The following ATXN1 variants were observed in gnomAD, a reference collection of about 807,000 sequenced individuals.
The protein encoded by ATXN1 is ataxin-1.
In ATXN1, 8 loss-of-function variants were observed where a neutral mutation model predicts 56.4. The ratio of observed to expected loss-of-function variants is 0.14; its 90% confidence interval spans 0.08 to 0.26. ATXN1 has a LOEUF of 0.26. Ranked by LOEUF, ATXN1 falls within the 10% of genes least tolerant of loss-of-function variation. The pLI, the probability that ATXN1 is intolerant of heterozygous loss-of-function variation, is 1.00. For missense variants in ATXN1, 987 were observed against 1,106.5 expected, an observed-to-expected ratio of 0.89 and a Z score of 1.53; for synonymous variants, 514 against 494.6, an observed-to-expected ratio of 1.04 and a Z score of -0.52.
At chr6:16,627,058 T>C (rs1262899456) in intron 3 of ATXN1, among the ~76,000 whole-genome samples, 1 of 152,256 alleles carries the variant, frequency 6.6e-6, no homozygotes, top group African/African-American at 2.4e-5. Context: ...TTGTTTGAGA[T>C]GGAGCTGTGG....
chr6:16,326,669 C>T lies in ATXN1; in HGVS notation c.1642G>A (p.Val548Met). The change falls in exon 7 of 8, where the codon GTG (valine) becomes ATG (methionine). Residue 548 changes from valine (V) to methionine (M), a missense_variant. Physicochemically the swap from Val to Met is conservative, Grantham distance 21. This residue lies in a region of ATXN1 where 723 missense variants were observed against 791.7 expected (regional missense o/e 0.91). Coordinates refer to ENST00000436367, the MANE Select transcript of ATXN1 (RefSeq NM_001128164.2). The surrounding 1 kb of genome is among the most constrained non-coding windows in gnomAD (Gnocchi z 6.6). ...ACAGGCAGGTGGATCTGGGCCTGCA[C>T]CATGGCTGGGTAGGCGGCCTGGGTG... Reference protein sequence around the residue: ...LVTQAAYPAMVQAQIHLPVVQ... With the variant: ...LVTQAAYPAMMQAQIHLPVVQ... 1.2e-6 allele frequency: 2 copies of T among 1,613,442 alleles called. No individual in the cohort carries two copies. Among genetic ancestry groups the T allele is most frequent in the Non-Finnish European group, 8.5e-7 (1 of 1,180,038 alleles).
intron 2 of ATXN1, among the ~76,000 whole-genome samples, chr6:16,660,863 G>C (rs1758305975): frequency 9.5e-6 from 1 of 105,612 alleles, no homozygotes; most frequent in Non-Finnish European, 1.8e-5. Flanking sequence ...TTTTGAGACA[G>C]AGTTTTGCTC....
intron 6 of ATXN1, among the ~76,000 whole-genome samples, chr6:16,442,360 G>C (rs1264566535): frequency 1.3e-5 from 2 of 152,066 alleles, no homozygotes; most frequent in Admixed American, 6.6e-5. Flanking sequence ...ACAAAGACTG[G>C]GTGAGCATTT....
intron 3 of ATXN1, among the ~76,000 whole-genome samples, chr6:16,620,943 A>C (rs1307708540): frequency 3.3e-5 from 5 of 152,370 alleles, no homozygotes; most frequent in Non-Finnish European, 5.9e-5. Context: ...TGACAACCTC[A>C]GCTCTGAACA....
intron 6 of ATXN1, among the ~76,000 whole-genome samples, chr6:16,391,833 T>C (rs111875886): frequency 2.3e-4 from 35 of 152,296 alleles, no homozygotes; most frequent in African/African-American, 7.9e-4. Context: ...TTTCAGTCTT[T>C]TTATTTCTCT....
intron 3 of ATXN1, among the ~76,000 whole-genome samples, chr6:16,600,127 C>T (rs946389815): frequency 3.9e-5 from 6 of 152,144 alleles, no homozygotes; most frequent in African/African-American, 1.4e-4. Context: ...GTATATGTAT[C>T]TGTGGTAGGT....
At chr6:16,348,295 GCTTAAGCGAT>G (rs2113455269) in intron 6 of ATXN1, among the ~76,000 whole-genome samples, 1 of 152,162 alleles carries the variant, frequency 6.6e-6, no homozygotes, top group East Asian at 1.9e-4. Context: ...AAACTCCTGG[GCTTAAGCGAT>G]CCTCCCATTT....
chr6:16,469,525 G>A (rs1054852108), intron 6 of ATXN1, among the ~76,000 whole-genome samples: 2 of 152,172 alleles, frequency 1.3e-5, no homozygotes, highest in African/African-American at 4.8e-5. Flanking sequence ...AGCATTTCAG[G>A]CCTCAGGAAA....
At chr6:16,693,923 C>T (rs1759101594) in intron 2 of ATXN1, among the ~76,000 whole-genome samples, 2 of 152,160 alleles carry the variant, frequency 1.3e-5, no homozygotes, top group South Asian at 4.1e-4. Flanking sequence ...GTAGGAAAAA[C>T]TGGGATTCCG....
At chr6:16,755,531 T>C (rs1760860534) in intron 1 of ATXN1, among the ~76,000 whole-genome samples, 1 of 152,002 alleles carries the variant, frequency 6.6e-6, no homozygotes, top group Non-Finnish European at 1.5e-5. Context: ...CAGGAGATAA[T>C]GTGAGAAAGG....
chr6:16,699,292 G>C (rs1172592822), intron 2 of ATXN1, among the ~76,000 whole-genome samples: 1 of 152,194 alleles, frequency 6.6e-6, no homozygotes, highest in African/African-American at 2.4e-5. Flanking sequence ...GCTCGTCATA[G>C]AATCTTTGAC....
intron 2 of ATXN1, among the ~76,000 whole-genome samples, chr6:16,745,565 T>G (rs1760503389): frequency 6.6e-6 from 1 of 152,196 alleles, no homozygotes. Flanking sequence ...CAAAGGGAAC[T>G]TTTGCTTTTA....
chr6:16,663,259 G>A (rs952655576), intron 2 of ATXN1, among the ~76,000 whole-genome samples: 14 of 152,152 alleles, frequency 9.2e-5, no homozygotes, highest in East Asian at 5.8e-4. Flanking sequence ...AGGAGCCACC[G>A]TGCCCGGCTG....
At position 16,653,142 on chromosome 6, in the gene ATXN1, T is replaced by C. The variant is rs1758102620; in HGVS notation, c.-489+4634A>G. ...AGCTAAGCTTCTGTGAGTTCTTCTGTTTGGATTCCATCTACCAGGGCTGGA... is the reference window on the plus strand; with the variant it reads ...AGCTAAGCTTCTGTGAGTTCTTCTGCTTGGATTCCATCTACCAGGGCTGGA... On this transcript the variant is annotated intron_variant, in intron 3 of 7. Transcript: ENST00000436367. 2.0e-5 allele frequency: 3 copies of C among 152,214 alleles called. No individual in the cohort carries two copies. In the South Asian group the frequency reaches 6.2e-4, roughly 31 times the overall value. 9.4% of individuals were successfully genotyped at this position (152,214 alleles called of 1,614,324 possible).
rs117428429 is a variant in ATXN1, at chr6:16,330,252, G to A, written c.-160-1782C>T. ...TTTAAAACAAACACAATAAAGTAGC[G>A]GCCTTCAGCATTCAATCCTTGTCCA... On this transcript the variant is annotated intron_variant, in intron 6 of 7. Transcript: ENST00000436367. 1.4e-3 allele frequency among the ~76,000 whole-genome samples: 213 copies of A among 152,048 alleles called. No individual in the cohort carries two copies. The East Asian group carries it at 0.033, about 23-fold the overall frequency.
At chr6:16,537,054 T>C (rs1761614601) in intron 4 of ATXN1, among the ~76,000 whole-genome samples, 1 of 151,870 alleles carries the variant, frequency 6.6e-6, no homozygotes, top group African/African-American at 2.4e-5. Flanking sequence ...TTTTTTTTTT[T>C]TGATAAGAGG....
chr6:16,442,373 C>T (rs1211249434), intron 6 of ATXN1, among the ~76,000 whole-genome samples: 1 of 152,078 alleles, frequency 6.6e-6, no homozygotes, highest in Non-Finnish European at 1.5e-5. Flanking sequence ...GAGCATTTAA[C>T]ACATAATCAG....
At position 16,663,529 on chromosome 6, in the gene ATXN1, C is replaced by T. The variant is rs1357240490; in HGVS notation, c.-614-5628G>A. On this transcript the variant is annotated intron_variant, in intron 2 of 7. Transcript: ENST00000436367. Reference sequence around the variant, plus strand: ...TTCTCGCTGCACTCCTGCCTCAATACAAATTTAGAATGGCACTGTGCCGGG... The same window carrying T: ...TTCTCGCTGCACTCCTGCCTCAATATAAATTTAGAATGGCACTGTGCCGGG... 2.0e-5 allele frequency among the ~76,000 whole-genome samples: 3 copies of T among 152,158 alleles called. No homozygotes were observed. In the East Asian group the frequency reaches 5.8e-4, roughly 29 times the overall value.
chr6:16,674,847 T>C (rs1758626722), intron 2 of ATXN1, among the ~76,000 whole-genome samples: 1 of 152,162 alleles, frequency 6.6e-6, no homozygotes, highest in Non-Finnish European at 1.5e-5. Context: ...AAGAAATCAA[T>C]GCTCCTAGAG....
Sources: gnomAD v4.1 joint callset for allele counts (sites outside exome capture counted in the v4.1 genomes callset) on GRCh38, gnomAD v4.1.1 for gene constraint, gnomAD v4.1.1 regional missense constraint, Gnocchi (gnomAD v3.1) non-coding constraint, MANE v1.5 for transcripts, NCBI Gene and HGNC (gene_info 2026-07-23, HGNC 2026-07-21) for gene names.